The following SOX5 variants were observed in gnomAD, a reference collection of about 807,000 sequenced individuals.
SOX5 encodes transcription factor SOX-5.
SOX5 carries 9 observed loss-of-function variants against 92.0 expected under a neutral mutation model. That is an observed-to-expected ratio of 0.10 (90% CI 0.06 to 0.17). The LOEUF is 0.17. Among genes scored for constraint, SOX5 ranks in the 10% least tolerant of loss-of-function variants. The probability of loss-of-function intolerance (pLI) is 1.00; values close to 1 mark genes in which losing one functional copy is unlikely to be tolerated. For synonymous variants in SOX5, 344 were observed against 336.3 expected, an observed-to-expected ratio of 1.02 and a Z score of -0.25; for missense variants, 642 against 944.5, an observed-to-expected ratio of 0.68 and a Z score of 4.20.
At chr12:23,850,994 C>T (rs779596755) in intron 2 of SOX5, among the ~76,000 whole-genome samples, 36 of 151,730 alleles carry the variant, frequency 2.4e-4, no homozygotes, top group Non-Finnish European at 8.8e-5. Context: ...GAATGTATAC[C>T]TGACCTAAAT....
At chr12:23,926,403 G>C (rs1939941872) in intron 1 of SOX5, among the ~76,000 whole-genome samples, 1 of 151,926 alleles carries the variant, frequency 6.6e-6, no homozygotes, top group African/African-American at 2.4e-5. Flanking sequence ...ATCTACATGG[G>C]GAAAGCGAGT....
chr12:24,159,095 T>C (rs577557648), intron 4 of SOX5, among the ~76,000 whole-genome samples: 1 of 152,042 alleles, frequency 6.6e-6, no homozygotes, highest in Admixed American at 6.6e-5. Context: ...ATCATGTGCA[T>C]AGGAATTTGG....
At chr12:23,754,073 A>G (rs1355031469) in intron 4 of SOX5, among the ~76,000 whole-genome samples, 1 of 151,860 alleles carries the variant, frequency 6.6e-6, no homozygotes, top group African/African-American at 2.4e-5. Flanking sequence ...AATTAAAGAC[A>G]GAAACTTCTT....
chr12:23,600,895 G>C (rs1200685517), intron 9 of SOX5, among the ~76,000 whole-genome samples: 1 of 151,974 alleles, frequency 6.6e-6, no homozygotes, highest in Non-Finnish European at 1.5e-5. Flanking sequence ...AGGCAGGTCA[G>C]GTGACCTTTC....
rs1050183694 is a variant in SOX5 at position 24,095,389 on chromosome 12, G to A, written c.-2+117954C>T. Among the ~76,000 whole-genome samples the A allele has an allele frequency of 2.6e-5, 4 of 151,424 alleles. No homozygotes were observed. In the East Asian group the frequency reaches 5.8e-4, roughly 22 times the overall value. On this transcript the variant is annotated intron_variant, in intron 4 of 4. Coordinates refer to the SOX5 transcript ENST00000446891. ...TCCTTCCTCATCCCATACAAAGTTC[G>A]GGGAAGTTTCATTGCCTGCTTGCCC...
At chr12:24,480,508 C>A (rs1566270428) in intron 1 of SOX5, among the ~76,000 whole-genome samples, 1 of 152,026 alleles carries the variant, frequency 6.6e-6, no homozygotes. Flanking sequence ...AAACTACCCA[C>A]CTGACAAGAG....
upstream of SOX5, among the ~76,000 whole-genome samples, chr12:23,952,514 T>C (rs965862886): frequency 1.3e-5 from 2 of 152,230 alleles, no homozygotes; most frequent in African/African-American, 2.4e-5. Context: ...TCTGTACATA[T>C]GCCAAATAAA....
intron 2 of SOX5, among the ~76,000 whole-genome samples, chr12:23,871,643 C>A (rs771453193): frequency 2.0e-5 from 3 of 151,512 alleles, no homozygotes; most frequent in African/African-American, 7.3e-5. Context: ...CTCTTTTTTC[C>A]GTAAAAATAA....
At chr12:23,676,617 A>G (rs1454923671) in intron 6 of SOX5, among the ~76,000 whole-genome samples, 2 of 152,212 alleles carry the variant, frequency 1.3e-5, no homozygotes, top group Non-Finnish European at 2.9e-5. Flanking sequence ...CGGGGCAGAG[A>G]CTGCAAGTTT....
intron 1 of SOX5, among the ~76,000 whole-genome samples, chr12:24,538,367 C>G (rs192767750): frequency 1.9e-4 from 29 of 152,286 alleles, no homozygotes. Flanking sequence ...GAGGGAATCA[C>G]TGAACTTTGA....
chr12:23,934,864 C>T (rs191019355), intron 1 of SOX5, among the ~76,000 whole-genome samples: 90 of 151,212 alleles, frequency 6.0e-4, no homozygotes, highest in South Asian at 2.1e-3. Flanking sequence ...TTATGTAAAT[C>T]GCAAAGATCA....
chr12:24,492,854 T>A (rs1055172042), intron 1 of SOX5, among the ~76,000 whole-genome samples: 14 of 152,182 alleles, frequency 9.2e-5, no homozygotes, highest in Admixed American at 9.2e-4. Context: ...GTATTAAAAT[T>A]TTTTTAAGAA....
At chr12:23,779,955 C>CTGTGTGTGTGTG (rs10686652) in intron 3 of SOX5, among the ~76,000 whole-genome samples, 9,435 of 136,434 alleles carry the variant, frequency 0.069, 444 homozygotes, top group Non-Finnish European at 0.1. Context: ...CACAGCGAGA[C>CTGTGTGTGTGTG]TGTGTGTGTG....
chr12:24,503,911 G>A (rs767585326), intron 1 of SOX5, among the ~76,000 whole-genome samples: 2 of 151,990 alleles, frequency 1.3e-5, no homozygotes, highest in East Asian at 1.9e-4. Context: ...ACCATGGCAC[G>A]TGTATACATA....
intron 4 of SOX5, among the ~76,000 whole-genome samples, chr12:23,982,141 C>T (rs1188413466): frequency 6.6e-6 from 1 of 152,122 alleles, no homozygotes; most frequent in African/African-American, 2.4e-5. Flanking sequence ...CGATTCAAAG[C>T]GTCAGGAAAT....
In SOX5 at chr12:23,737,579, CT is replaced by C. The variant is rs931588269; in HGVS notation, c.742-2828del. On this transcript the variant is annotated intron_variant, in intron 5 of 14. Coordinates refer to ENST00000451604, the MANE Select transcript of SOX5 (RefSeq NM_006940.6). Reference sequence around the variant, plus strand: ...ATATATGTATAGTCATGCTAGTCATCTTTTCAAAACACTTCTCTCTCACTCA... The same window carrying C: ...ATATATGTATAGTCATGCTAGTCATCTTTCAAAACACTTCTCTCTCACTCA... 7.9e-5 allele frequency among the ~76,000 whole-genome samples: 12 copies of C among 152,090 alleles called. 1 individual carries two copies. Among genetic ancestry groups the C allele is most frequent in the Non-Finnish European group, 1.0e-4 (7 of 68,028 alleles).
intron 4 of SOX5, among the ~76,000 whole-genome samples, chr12:24,094,247 A>T (rs1945041117): frequency 6.6e-6 from 1 of 152,148 alleles, no homozygotes; most frequent in African/African-American, 2.4e-5. Flanking sequence ...ACACCCAGCG[A>T]AATTGTATAT....
chr12:23,651,455 T>C (rs2081551006), intron 7 of SOX5, among the ~76,000 whole-genome samples: 2 of 152,064 alleles, frequency 1.3e-5, no homozygotes, highest in Non-Finnish European at 2.9e-5. Flanking sequence ...TCATAACATA[T>C]TCAACTAATT....
intron 10 of SOX5, among the ~76,000 whole-genome samples, chr12:23,569,381 TA>T (rs1411978028): frequency 5.9e-5 from 9 of 152,154 alleles, no homozygotes; most frequent in African/African-American, 2.2e-4. Context: ...AAATTAAAGT[TA>T]AAAAGGTTTA....
Sources: gnomAD v4.1 joint callset for allele counts (sites outside exome capture counted in the v4.1 genomes callset) on GRCh38, gnomAD v4.1.1 for gene constraint, MANE v1.5 for transcripts, NCBI Gene and HGNC (gene_info 2026-07-23, HGNC 2026-07-21) for gene names.